The following CFAP107 variants were observed in gnomAD, a reference collection of about 807,000 sequenced individuals.
The protein encoded by CFAP107 is cilia- and flagella-associated protein 107.
chr1:12,759,708 C>A, the CFAP107 span: 2 of 619,970 alleles, frequency 3.2e-6, no homozygotes, highest in South Asian at 1.8e-5. Flanking sequence ...GAAGCCATCA[C>A]CTGTGCCCCA....
chr1:12,747,604 C>T, the CFAP107 span, among the ~76,000 whole-genome samples: 4 of 152,272 alleles, frequency 2.6e-5, no homozygotes, highest in African/African-American at 9.6e-5. Flanking sequence ...GAATACTCAG[C>T]TTTGGTATGG....
At chr1:12,759,369 CA>C in the CFAP107 span, 1 of 1,614,162 alleles carries the variant, frequency 6.2e-7, no homozygotes, top group Non-Finnish European at 8.5e-7. Flanking sequence ...GCTACCTGAT[CA>C]GCACCTATGA....
chr1:12,756,131 C>T, the CFAP107 span, among the ~76,000 whole-genome samples: 1 of 152,188 alleles, frequency 6.6e-6, no homozygotes, highest in Non-Finnish European at 1.5e-5. Flanking sequence ...TCAGGAATCA[C>T]ATAAGGCACT....
the CFAP107 span, chr1:12,763,149 G>GCA: frequency 2.0e-5 from 3 of 152,120 alleles, no homozygotes; most frequent in African/African-American, 7.2e-5. Context: ...TGGTACCACT[G>GCA]CACTCCAGCC....
At chr1:12,758,437 C>T in the CFAP107 span, among the ~76,000 whole-genome samples, 1 of 152,268 alleles carries the variant, frequency 6.6e-6, no homozygotes, top group East Asian at 1.9e-4. Flanking sequence ...TATGGGGTAC[C>T]TGGTGATGTG....
chr1:12,759,382 G>A, the CFAP107 span: 14 of 1,614,054 alleles, frequency 8.7e-6, no homozygotes, highest in East Asian at 2.2e-5. Context: ...CACCTATGAC[G>A]ACCATTACAA....
the CFAP107 span, among the ~76,000 whole-genome samples, chr1:12,752,672 C>G: frequency 2.7e-5 from 4 of 147,942 alleles, no homozygotes; most frequent in African/African-American, 9.9e-5. Context: ...CAAAATTAAA[C>G]TTCTTTTTAT....
the CFAP107 span, among the ~76,000 whole-genome samples, chr1:12,757,904 G>T: frequency 6.6e-6 from 1 of 151,856 alleles, no homozygotes; most frequent in Non-Finnish European, 1.5e-5. Context: ...ATCCCCAACC[G>T]CCTCCTTTAT....
At chr1:12,747,321 G>A in the CFAP107 span, among the ~76,000 whole-genome samples, 30 of 152,188 alleles carry the variant, frequency 2.0e-4, no homozygotes, top group Middle Eastern at 3.4e-3. Context: ...TGCCGACCTT[G>A]GCTTCCCCAA....
chr1:12,754,471 T>C, the CFAP107 span, among the ~76,000 whole-genome samples: 1 of 152,194 alleles, frequency 6.6e-6, no homozygotes, highest in African/African-American at 2.4e-5. Flanking sequence ...AAATTAGACA[T>C]AGAATTACCA....
At chr1:12,760,499 C>A in the CFAP107 span, among the ~76,000 whole-genome samples, 40 of 152,194 alleles carry the variant, frequency 2.6e-4, no homozygotes, top group Admixed American at 2.0e-3. Context: ...CACAACCACA[C>A]CATGGGGCTG....
chr1:12,759,377 A>G, the CFAP107 span: 1 of 1,614,108 alleles, frequency 6.2e-7, no homozygotes. Context: ...ATCAGCACCT[A>G]TGACGACCAT....
At chr1:12,750,205 G>A in the CFAP107 span, among the ~76,000 whole-genome samples, 12 of 152,062 alleles carry the variant, frequency 7.9e-5, no homozygotes, top group Admixed American at 5.2e-4. Context: ...TAATCCCCAT[G>A]GGACCCACAA....
At chr1:12,750,298 TAGTA>T in the CFAP107 span, among the ~76,000 whole-genome samples, 1 of 152,026 alleles carries the variant, frequency 6.6e-6, no homozygotes, top group African/African-American at 2.4e-5. Flanking sequence ...CAAAAGAAGA[TAGTA>T]AGAGAACAAA....
the CFAP107 span, among the ~76,000 whole-genome samples, chr1:12,751,490 C>T: frequency 0.053 from 8,023 of 151,948 alleles, 684 homozygotes; most frequent in African/African-American, 0.18. Flanking sequence ...AGCTGGGTGT[C>T]GTGGTGCATG....
chr1:12,757,353 TTTTC>T, the CFAP107 span, among the ~76,000 whole-genome samples: 2 of 147,502 alleles, frequency 1.4e-5, no homozygotes, highest in Non-Finnish European at 3.0e-5. Flanking sequence ...TTCTCTTTTC[TTTTC>T]TTTCTTTTTC....
At chr1:12,747,854 G>T in the CFAP107 span, among the ~76,000 whole-genome samples, 1 of 152,178 alleles carries the variant, frequency 6.6e-6, no homozygotes, top group African/African-American at 2.4e-5. Flanking sequence ...AGAGAAGATT[G>T]CATAAAAATA....
the CFAP107 span, among the ~76,000 whole-genome samples, chr1:12,755,025 A>G: frequency 6.6e-6 from 1 of 152,226 alleles, no homozygotes; most frequent in African/African-American, 2.4e-5. Flanking sequence ...AATATATTTT[A>G]CCATATTAAA....
At chr1:12,759,381 C>T in the CFAP107 span, 254 of 1,614,166 alleles carry the variant, frequency 1.6e-4, 2 homozygotes, top group South Asian at 2.3e-3. Context: ...GCACCTATGA[C>T]GACCATTACA....
Sources: gnomAD v4.1 joint callset for allele counts (sites outside exome capture counted in the v4.1 genomes callset) on GRCh38, gnomAD v4.1.1 for gene constraint, MANE v1.5 for transcripts, NCBI Gene and HGNC (gene_info 2026-07-23, HGNC 2026-07-21) for gene names.